PPOX: variants seen among roughly 807,000 people sequenced by gnomAD.
PPOX encodes variegate porphyria.
Under a neutral mutation model 54.1 loss-of-function variants are expected in PPOX, and 23 were observed. That is an observed-to-expected ratio of 0.43 (90% CI 0.31 to 0.60). The LOEUF is 0.60. Ranked by LOEUF, PPOX falls within the 20% of genes least tolerant of loss-of-function variation. PPOX has a pLI of 0.13. For synonymous variants in PPOX, 224 were observed against 236.1 expected (o/e 0.95, Z 0.47); for missense variants, 512 against 601.1 (o/e 0.85, Z 1.55).
chr1:161,170,351 G>C (rs969274568), intron 9 of PPOX, 58 bp from the exon 10 acceptor site: 6 of 971,582 alleles, frequency 6.2e-6, no homozygotes, highest in Admixed American at 3.9e-5. Flanking sequence ...AAATGGGAAG[G>C]AGAGACAGCC....
At position 161,176,918 on chromosome 1, in the gene PPOX, C is replaced by T. The variant is rs547837608; in HGVS notation, c.442C>T (p.Arg148Ter). 101 of 1,536,160 alleles carry T rather than the reference C, an allele frequency of 6.6e-5. No individual in the cohort carries two copies. The Admixed American group carries it at 6.7e-4, about 10-fold the overall frequency. Reference sequence around the variant, plus strand: ...GGAGTGGCCTAAGGAGTACCCAGGGCGAAGTAGGAAACAGGCTCCTTCTAT... The same window carrying T: ...GGAGTGGCCTAAGGAGTACCCAGGGTGAAGTAGGAAACAGGCTCCTTCTAT... Residue 148 changes from arginine to a stop codon, truncating the protein, a stop_gained, in exon 5 of 5, where the codon CGA (arginine) becomes TGA (stop). Transcript: ENST00000497522. LOFTEE classifies it low-confidence loss of function (END_TRUNC).
chr1:161,173,385 C>G (rs1367756423), downstream of PPOX, among the ~76,000 whole-genome samples: 2 of 152,166 alleles, frequency 1.3e-5, no homozygotes, highest in Non-Finnish European at 2.9e-5. Context: ...ATCTTATGTC[C>G]TCTCCCAAGA....
downstream of PPOX, chr1:161,173,742 A>T (rs1428556538): frequency 1.2e-6 from 2 of 1,613,992 alleles, no homozygotes. Flanking sequence ...GGAGAGAAAG[A>T]TCCTTGCATA....
Position 161,170,926 on chromosome 1 carries a change from C to T in PPOX, c.1268C>T (p.Thr423Ile), listed in dbSNP as rs997905593. 7 of 1,613,992 alleles carry T rather than the reference C, an allele frequency of 4.3e-6. No homozygotes were observed. In the Admixed American group the frequency reaches 6.7e-5, roughly 15 times the overall value. The part of the protein sequence containing the change: ...HLHKNCIPQY[T>I]LGHWQKLESA... ...TCTCAGAACTGCATTCCCCAGTATA[C>T]ACTAGGTCACTGGCAAAAACTAGGT... is the stretch of plus-strand genomic sequence containing the variant. Residue 423 changes from threonine (T) to isoleucine (I), a missense_variant, in exon 12 of 13, where the codon ACA (threonine) becomes ATA (isoleucine). Transcript: ENST00000367999.
chr1:161,167,708 G>A (rs1358605564), intron 4 of PPOX: 5 of 726,042 alleles, frequency 6.9e-6, no homozygotes, highest in African/African-American at 1.8e-5. Flanking sequence ...GGGACTACAG[G>A]TGCCTACCAC....
Position 161,166,535 on chromosome 1 carries a change from C to A in PPOX, c.-146C>A, listed in dbSNP as rs1354706496. On this transcript the variant is annotated 5_prime_UTR_variant, in exon 1 of 13. It adds an upstream start codon to the 5' untranslated region. Transcript: ENST00000367999. The stretch of plus-strand genomic sequence containing the variant: ...CAGAGCACCTCAGAACTCAGGCGTA[C>A]TGCCCGCCGCCCGAGCCCTGCGAGG... 7.3e-7 allele frequency: 1 copy of A among 1,369,188 alleles called. No individual in the cohort carries two copies. Among genetic ancestry groups the A allele is most frequent in the Non-Finnish European group, 9.5e-7 (1 of 1,057,824 alleles). The allele number at this position is 1,369,188 out of a possible 1,614,324, so 84.8% of individuals were successfully genotyped here. A position where few individuals can be genotyped will look rare whatever the true frequency, so the allele number is the denominator to read the frequency against.
At chr1:161,172,034 G>C (rs752286852), downstream of PPOX, 15 of 1,614,098 alleles carry the variant, frequency 9.3e-6, no homozygotes, top group Non-Finnish European at 1.3e-5. Flanking sequence ...TGGTATGTCA[G>C]TGAGTTCATC....
At chr1:161,176,881 T>C (rs1663753270) in exon 5 of PPOX, 7 of 1,536,108 alleles carry the variant, frequency 4.6e-6, no homozygotes, top group Admixed American at 2.0e-5. Flanking sequence ...GACAGAGTCA[T>C]GACAGGACCG....
At chr1:161,173,219 C>T (rs185873464), downstream of PPOX, among the ~76,000 whole-genome samples, 4 of 152,302 alleles carry the variant, frequency 2.6e-5, no homozygotes, top group Admixed American at 1.3e-4. Context: ...GCCAATGGCA[C>T]AGGCCTTTTA....
downstream of PPOX, chr1:161,172,440 G>GAA: frequency 1.2e-6 from 1 of 840,882 alleles, no homozygotes; most frequent in Non-Finnish European, 1.8e-6. Flanking sequence ...GTAGGCAAAA[G>GAA]AAAAAAAAAG....
chr1:161,176,531 G>A (rs1047760774), intron 4 of PPOX: 6 of 429,666 alleles, frequency 1.4e-5, no homozygotes, highest in South Asian at 2.9e-5. Flanking sequence ...ATGTCACAGA[G>A]GGCAGAGAAA....
rs775748399 is a variant in PPOX, at chr1:161,170,773, A to G, written c.1248+4A>G. On this transcript the variant is annotated splice_donor_region_variant and intron_variant, in intron 11 of 12. Transcript: ENST00000367999. ...CTGCTTGGTCCATCTACACAAGGTA[A>G]GTTGGGATAAACTTCCCTCAGCTCT... is the stretch of plus-strand genomic sequence containing the variant. 4.9e-5 allele frequency: 79 copies of G among 1,614,048 alleles called. No individual in the cohort carries two copies. In the Middle Eastern group the frequency reaches 6.6e-4, roughly 13 times the overall value.
Position 161,168,041 on chromosome 1 carries a change from G to T in PPOX, c.385G>T (p.Ala129Ser). Reference sequence around the variant, plus strand: ...CCCCTTCTCCAAACCTCTGTTTTGGGCTGGGCTGAGGGAGCTGACCAAGCC... The same window carrying T: ...CCCCTTCTCCAAACCTCTGTTTTGGTCTGGGCTGAGGGAGCTGACCAAGCC... ...SPPFSKPLFW[A>S]GLRELTKPRG... is the part of the protein sequence containing the mutation. Residue 129 changes from alanine (A) to serine (S), a missense_variant, in exon 5 of 13, where the codon GCT (alanine) becomes TCT (serine). Ala to Ser is a moderately conservative substitution (Grantham distance 99). Transcript: ENST00000367999. The T allele has an allele frequency of 6.2e-7, 1 of 1,614,098 alleles. No individual in the cohort carries two copies. Among genetic ancestry groups the T allele is most frequent in the Non-Finnish European group, 8.5e-7 (1 of 1,180,020 alleles).
At chr1:161,177,189 G>A, downstream of PPOX, 1 of 982,254 alleles carries the variant, frequency 1.0e-6, no homozygotes, top group Non-Finnish European at 1.5e-6. Context: ...CGTGGTCCGC[G>A]CTGTGGAGGG....
At chr1:161,173,363 T>C (rs1291834895), downstream of PPOX, among the ~76,000 whole-genome samples, 1 of 152,192 alleles carries the variant, frequency 6.6e-6, no homozygotes, top group East Asian at 1.9e-4. Flanking sequence ...CCGACGATAC[T>C]ATTTCCTATT....
chr1:161,167,632 T>C, intron 4 of PPOX, 146 bp downstream of exon 4: 1 of 1,162,832 alleles, frequency 8.6e-7, no homozygotes, highest in Non-Finnish European at 1.2e-6. Flanking sequence ...TGGCGCGATC[T>C]TGGCTCACTG....
Position 161,176,847 on chromosome 1 carries a change from A to G in PPOX, c.373-2A>G, listed in dbSNP as rs1311020573. 4 of 1,535,426 alleles carry G rather than the reference A, an allele frequency of 2.6e-6. No homozygotes were observed. Reference sequence around the variant, plus strand: ...GCTAATGGAAACATTGTTTTCCCCCAGACCAAGAACCAGTTGAAGTGGCGA... The same window carrying G: ...GCTAATGGAAACATTGTTTTCCCCCGGACCAAGAACCAGTTGAAGTGGCGA... On this transcript the variant is annotated splice_acceptor_variant, in intron 4 of 4. Transcript: ENST00000497522. LOFTEE classifies it high-confidence loss of function.
At chr1:161,165,755 G>GAT, upstream of PPOX, 1 of 259,964 alleles carries the variant, frequency 3.8e-6, no homozygotes, top group African/African-American at 2.2e-5. Flanking sequence ...TGCTTAGGGG[G>GAT]TGATAGAGAA....
downstream of PPOX, chr1:161,174,944 G>C: frequency 4.4e-6 from 7 of 1,578,106 alleles, no homozygotes; most frequent in Non-Finnish European, 6.1e-6. Context: ...ATGTGCTTGA[G>C]GCTTCCTTAG....
Sources: allele counts gnomAD v4.1 joint callset (sites outside exome capture counted in the v4.1 genomes callset), GRCh38; gene constraint gnomAD v4.1.1; transcripts MANE v1.5; gene names NCBI Gene and HGNC (gene_info 2026-07-23, HGNC 2026-07-21).